The following TMEM87A variants were observed in gnomAD, a reference collection of about 807,000 sequenced individuals.
TMEM87A encodes the protein Golgi-pH regulating cation channel.
Under a neutral mutation model 90.0 loss-of-function variants are expected in TMEM87A, and 50 were observed. The ratio of observed to expected loss-of-function variants is 0.56; its 90% CI spans 0.44 to 0.70. The LOEUF (loss-of-function observed/expected upper bound fraction) is 0.70. TMEM87A is among the 30% of genes least tolerant of loss of function. The pLI, the probability that TMEM87A is intolerant of heterozygous loss-of-function variation, is 0.00. For synonymous variants in TMEM87A, 226 were observed against 226.7 expected (o/e 1.00, Z 0.03); for missense variants, 577 against 660.5 (o/e 0.87, Z 1.39).
intron 4 of TMEM87A, chr15:42,262,337 A>T (rs760132649): frequency 2.6e-4 from 40 of 152,114 alleles, no homozygotes; most frequent in Non-Finnish European, 4.1e-4. Context: ...CACCATCTTA[A>T]AGCTATTTTC....
chr15:42,237,426 A>G lies in TMEM87A; in HGVS notation c.868+6T>C. 1 of 1,613,142 alleles carries G rather than the reference A, an allele frequency of 6.2e-7. No individual in the cohort carries two copies. Among genetic ancestry groups the G allele is most frequent in the South Asian group, 1.1e-5 (1 of 90,960 alleles). ...TCGAACTGGCAAAGATTTTCTGGTT[A>G]CTTACCAGATTCTCCTTTGTATCGG... On this transcript the variant is annotated splice_donor_region_variant and intron_variant, in intron 9 of 19. Coordinates refer to ENST00000389834, the MANE Select transcript of TMEM87A (RefSeq NM_015497.5).
intron 19 of TMEM87A, among the ~76,000 whole-genome samples, chr15:42,214,297 C>T (rs556633209): frequency 8.5e-5 from 13 of 152,174 alleles, no homozygotes; most frequent in Middle Eastern, 3.4e-3. Flanking sequence ...AAATTAAAGA[C>T]GAAAACATTT....
At chr15:42,259,781 T>C (rs1393793528) in intron 6 of TMEM87A, among the ~76,000 whole-genome samples, 1 of 152,206 alleles carries the variant, frequency 6.6e-6, no homozygotes, top group Non-Finnish European at 1.5e-5. Context: ...ATTCACTGGC[T>C]GATCTTAAGG....
chr15:42,255,221 C>T (rs1003808401), intron 6 of TMEM87A, among the ~76,000 whole-genome samples: 13 of 152,090 alleles, frequency 8.5e-5, no homozygotes, highest in Non-Finnish European at 1.5e-4. Context: ...GCTACCTCCA[C>T]CTCCCAGGTT....
chr15:42,264,201 T>C lies in TMEM87A; in HGVS notation c.294A>G (p.Ala98=), dbSNP rs768388779. 4.4e-6 allele frequency: 7 copies of C among 1,609,040 alleles called. No homozygotes were observed. In the Admixed American group the frequency reaches 1.2e-4, roughly 27 times the overall value. ...DCYNEIYNFK[A]EEVELYLEKL... ...TTTCCAAATACAACTCTACTTCTTC[T>C]GCCTGGAAAAAGAGATAATACAGAG... The change falls in exon 4 of 20, where the codon GCA becomes GCG. Residue 98 remains alanine, a splice_region_variant and synonymous_variant. Transcript: ENST00000389834.
chr15:42,214,576 G>A (rs926563108), intron 19 of TMEM87A, among the ~76,000 whole-genome samples: 6 of 152,150 alleles, frequency 3.9e-5, no homozygotes, highest in African/African-American at 1.2e-4. Flanking sequence ...ACACAGTGGG[G>A]AAACTGACAG....
chr15:42,246,496 C>T (rs1447779741), intron 6 of TMEM87A, among the ~76,000 whole-genome samples: 1 of 152,046 alleles, frequency 6.6e-6, no homozygotes, highest in African/African-American at 2.4e-5. Context: ...CGCCCTGTGT[C>T]CAAGTGTTCT....
chr15:42,211,634 C>G lies in TMEM87A; in HGVS notation c.*74G>C, dbSNP rs919662145. ...ATTGCTTCCTTTAATCCCATGGAGC[C>G]GTACAGAAGACTGACACAGATGCTG... On this transcript the variant is annotated 3_prime_UTR_variant, in exon 20 of 20. Transcript: ENST00000389834. 1.4e-6 allele frequency: 2 copies of G among 1,419,522 alleles called. No individual in the cohort carries two copies. The highest frequency in any genetic ancestry group is 4.6e-5 in the East Asian group (2 of 43,784). The allele number at this position is 1,419,522 out of a possible 1,614,324, so 87.9% of individuals were successfully genotyped here. A position where few individuals can be genotyped will look rare whatever the true frequency, so the allele number is the denominator to read the frequency against.
At chr15:42,245,555 C>T (rs540920939) in intron 6 of TMEM87A, among the ~76,000 whole-genome samples, 1 of 133,300 alleles carries the variant, frequency 7.5e-6, no homozygotes, top group Admixed American at 8.5e-5. Context: ...GGCAGAGTCT[C>T]GCTCCATCGC....
At chr15:42,233,527 A>G (rs1293881897) in intron 10 of TMEM87A, among the ~76,000 whole-genome samples, 1 of 152,178 alleles carries the variant, frequency 6.6e-6, no homozygotes, top group Non-Finnish European at 1.5e-5. Flanking sequence ...CATTTTAAAA[A>G]ATGTTTCCTC....
At chr15:42,252,059 C>A (rs560415246) in intron 6 of TMEM87A, among the ~76,000 whole-genome samples, 3 of 152,236 alleles carry the variant, frequency 2.0e-5, no homozygotes, top group African/African-American at 7.2e-5. Context: ...GAGCCAGGTG[C>A]GGGATATAAT....
rs111413935 is a variant in TMEM87A, at chr15:42,254,086, A to G, written c.504+6872T>C. Among the ~76,000 whole-genome samples the G allele has an allele frequency of 7.9e-3, 1,203 of 151,816 alleles. 11 individuals are homozygous for G. The highest frequency in any genetic ancestry group is 0.014 in the Non-Finnish European group (942 of 67,946). ...TTTCTCTTTTTCACAGTCTACCACT[A>G]GCTTGTGAACAGAACTGTTTTTAAA... is the stretch of plus-strand genomic sequence containing the variant. On this transcript the variant is annotated intron_variant, in intron 6 of 19. Coordinates refer to ENST00000389834, the MANE Select transcript of TMEM87A (RefSeq NM_015497.5).
At chr15:42,242,349 C>A (rs924192041) in intron 7 of TMEM87A, among the ~76,000 whole-genome samples, 1 of 152,146 alleles carries the variant, frequency 6.6e-6, no homozygotes, top group Non-Finnish European at 1.5e-5. Flanking sequence ...GGACCAGAGC[C>A]AGGCTGGATG....
intron 6 of TMEM87A, among the ~76,000 whole-genome samples, chr15:42,254,303 G>T (rs2051137798): frequency 6.6e-6 from 1 of 152,100 alleles, no homozygotes; most frequent in African/African-American, 2.4e-5. Context: ...AAATGCAATT[G>T]TTACAAAACT....
intron 7 of TMEM87A, among the ~76,000 whole-genome samples, chr15:42,241,685 A>G (rs1451262572): frequency 1.3e-5 from 2 of 152,102 alleles, no homozygotes; most frequent in Non-Finnish European, 2.9e-5. Flanking sequence ...AAAGACGGGT[A>G]TTTTTAAAAT....
chr15:42,238,036 T>TAC, intron 8 of TMEM87A, among the ~76,000 whole-genome samples: 1 of 149,698 alleles, frequency 6.7e-6, no homozygotes, highest in South Asian at 2.1e-4. Flanking sequence ...TGTGTGTGTG[T>TAC]ATGTATGTAT....
chr15:42,243,753 C>G (rs2050918351), intron 7 of TMEM87A, among the ~76,000 whole-genome samples: 1 of 152,024 alleles, frequency 6.6e-6, no homozygotes. Flanking sequence ...CTCCCGACCT[C>G]ATGTGATCTG....
intron 10 of TMEM87A, among the ~76,000 whole-genome samples, chr15:42,236,005 C>T (rs1394706920): frequency 6.6e-6 from 1 of 151,824 alleles, no homozygotes; most frequent in Non-Finnish European, 1.5e-5. Context: ...CATAAAAAAT[C>T]TAATTTGCAA....
intron 13 of TMEM87A, among the ~76,000 whole-genome samples, chr15:42,228,503 T>C (rs1016485476): frequency 3.9e-5 from 6 of 152,148 alleles, no homozygotes; most frequent in Non-Finnish European, 8.8e-5. Context: ...AGCTGAAATA[T>C]GAGGTTGATT....
Sources: allele counts gnomAD v4.1 joint callset (sites outside exome capture counted in the v4.1 genomes callset), GRCh38; gene constraint gnomAD v4.1.1; transcripts MANE v1.5; gene names NCBI Gene and HGNC (gene_info 2026-07-23, HGNC 2026-07-21).